CEP63: variants seen among roughly 807,000 people sequenced by gnomAD.
CEP63 encodes the protein centrosomal protein of 63 kDa.
Under a neutral mutation model 89.1 loss-of-function variants are expected in CEP63, and 84 were observed. The observed-to-expected ratio is 0.94, with a 90% CI of 0.79 to 1.13. CEP63 has a LOEUF of 1.13. Ranked by LOEUF, CEP63 falls within the 50% of genes most tolerant of loss-of-function variation. CEP63 has a pLI of 0.00. For synonymous variants in CEP63, 267 were observed against 272.5 expected, an observed-to-expected ratio of 0.98 and a Z score of 0.20; for missense variants, 838 against 813.3, an observed-to-expected ratio of 1.03 and a Z score of -0.37.
the CEP63 span, among the ~76,000 whole-genome samples, chr3:134,702,837 G>A: frequency 6.6e-6 from 1 of 152,076 alleles, no homozygotes; most frequent in Non-Finnish European, 1.5e-5. Flanking sequence ...GCGAGGTTGT[G>A]GGGAAAAAGG....
At chr3:134,678,281 C>A in the CEP63 span, among the ~76,000 whole-genome samples, 2 of 152,146 alleles carry the variant, frequency 1.3e-5, no homozygotes, top group Admixed American at 6.5e-5. Flanking sequence ...CAGGTGACAA[C>A]TTCTTGGAAA....
the CEP63 span, among the ~76,000 whole-genome samples, chr3:134,665,529 G>A: frequency 6.6e-6 from 1 of 152,324 alleles, no homozygotes; most frequent in East Asian, 1.9e-4. Context: ...CACCACTGAG[G>A]GAGGGGCCTC....
Position 134,564,594 on chromosome 3 carries a change from T to G in CEP63, c.*3059T>G, listed in dbSNP as rs1348127842. On this transcript the variant is annotated 3_prime_UTR_variant, in exon 15 of 15. Coordinates refer to ENST00000675561, the MANE Select transcript of CEP63 (RefSeq NM_001353108.3). ...TTGGGTGGATGAAAATCACTACCAT[T>G]CAAGGCTTCATTGTATTTATCAGTA... The G allele has an allele frequency of 5.1e-6, 5 of 985,296 alleles. No individual in the cohort carries two copies. In the African/African-American group the frequency reaches 8.7e-5, roughly 17 times the overall value. 61.0% of individuals were successfully genotyped at this position (985,296 alleles called of 1,614,324 possible). A position where few individuals can be genotyped will look rare whatever the true frequency, so the allele number is the denominator to read the frequency against.
the CEP63 span, among the ~76,000 whole-genome samples, chr3:134,648,793 T>C: frequency 6.6e-6 from 1 of 152,220 alleles, no homozygotes; most frequent in African/African-American, 2.4e-5. Context: ...ATCCTCTGCA[T>C]TGCAACAATA....
chr3:134,693,297 G>A, the CEP63 span, among the ~76,000 whole-genome samples: 1 of 152,204 alleles, frequency 6.6e-6, no homozygotes, highest in African/African-American at 2.4e-5. Context: ...GATGGATGGA[G>A]TTCCAGAGTC....
chr3:134,601,248 A>G, the CEP63 span: 1 of 98,776 alleles, frequency 1.0e-5, no homozygotes, highest in Non-Finnish European at 2.2e-5. Context: ...GGGGGTGCCT[A>G]GTTAAACGAG....
rs1017168103 is a variant in CEP63 at position 134,563,806 on chromosome 3, A to T, written c.*2271A>T. ...GTCAATAATCTGGGCCTAATCACCCATTGCATCATCCTTTACTGTGCTCCA... is the reference window on the plus strand; with the variant it reads ...GTCAATAATCTGGGCCTAATCACCCTTTGCATCATCCTTTACTGTGCTCCA... On this transcript the variant is annotated 3_prime_UTR_variant, in exon 15 of 15. Coordinates refer to ENST00000675561, the MANE Select transcript of CEP63 (RefSeq NM_001353108.3). 1 of 152,250 alleles carries T rather than the reference A, an allele frequency of 6.6e-6. No individual in the cohort carries two copies. Among genetic ancestry groups the T allele is most frequent in the African/African-American group, 2.4e-5 (1 of 41,430 alleles). 9.4% of individuals were successfully genotyped at this position (152,250 alleles called of 1,614,324 possible).
At chr3:134,537,577 T>C (rs1030615911) in intron 6 of CEP63, among the ~76,000 whole-genome samples, 1 of 152,200 alleles carries the variant, frequency 6.6e-6, no homozygotes, top group African/African-American at 2.4e-5. Context: ...AGGCTCACTC[T>C]ATGCTTGCAT....
chr3:134,777,119 T>C, the CEP63 span, among the ~76,000 whole-genome samples: 123 of 152,376 alleles, frequency 8.1e-4, no homozygotes, highest in African/African-American at 2.7e-3. Flanking sequence ...TATTGCATTA[T>C]TGAGTCCTCA....
At chr3:134,506,348 C>A (rs934062269) in intron 2 of CEP63, among the ~76,000 whole-genome samples, 6 of 152,196 alleles carry the variant, frequency 3.9e-5, no homozygotes, top group Non-Finnish European at 4.4e-5. Context: ...GCAGCTCTTA[C>A]AATTGTATTA....
At chr3:134,498,456 G>A (rs988432001) in intron 2 of CEP63, among the ~76,000 whole-genome samples, 1 of 152,024 alleles carries the variant, frequency 6.6e-6, no homozygotes, top group African/African-American at 2.4e-5. Context: ...GACTTTTTTG[G>A]TGGAGTCTTT....
At chr3:134,502,732 T>G (rs924333603) in intron 2 of CEP63, among the ~76,000 whole-genome samples, 33 of 152,272 alleles carry the variant, frequency 2.2e-4, no homozygotes, top group Admixed American at 2.2e-3. Context: ...TAGCTAGCAG[T>G]CTATCAATCT....
At chr3:134,573,601 T>G (rs1958104572) in intron 11 of CEP63, among the ~76,000 whole-genome samples, 1 of 152,178 alleles carries the variant, frequency 6.6e-6, no homozygotes, top group Admixed American at 6.5e-5. Context: ...TTCTATTCCA[T>G]TGGTCTATGT....
At chr3:134,711,540 C>T in the CEP63 span, among the ~76,000 whole-genome samples, 1 of 152,184 alleles carries the variant, frequency 6.6e-6, no homozygotes, top group Admixed American at 6.5e-5. Context: ...TGACTCATGA[C>T]CTCCTGTGGC....
intron 12 of CEP63, among the ~76,000 whole-genome samples, chr3:134,557,378 T>G (rs888667377): frequency 2.2e-5 from 1 of 46,332 alleles, no homozygotes; most frequent in Non-Finnish European, 6.5e-5. Flanking sequence ...CATAATTTGT[T>G]TTTTTTTTTT....
the CEP63 span, among the ~76,000 whole-genome samples, chr3:134,688,675 C>T: frequency 1.3e-5 from 2 of 152,138 alleles, no homozygotes; most frequent in African/African-American, 4.8e-5. Flanking sequence ...GGGTGCTGTT[C>T]CATCAGGAGC....
At chr3:134,628,810 G>T in the CEP63 span, among the ~76,000 whole-genome samples, 1 of 152,102 alleles carries the variant, frequency 6.6e-6, no homozygotes, top group African/African-American at 2.4e-5. Flanking sequence ...CTTGCCCAAG[G>T]TCACACAGCT....
the CEP63 span, among the ~76,000 whole-genome samples, chr3:134,751,353 C>A: frequency 6.6e-6 from 1 of 152,150 alleles, no homozygotes; most frequent in East Asian, 1.9e-4. Context: ...GATTTGAGTA[C>A]CTATTTTCAA....
In CEP63 at chr3:134,547,394, A is replaced by G. The variant is rs1339292486; in HGVS notation, c.989A>G (p.Asp330Gly). The G allele has an allele frequency of 3.7e-6, 6 of 1,613,634 alleles. No homozygotes were observed. Among genetic ancestry groups the G allele is most frequent in the Admixed American group, 3.3e-5 (2 of 60,000 alleles). Residue 330 changes from aspartate to glycine, a missense_variant, in exon 9 of 15, where the codon GAC (aspartate) becomes GGC (glycine). Asp to Gly is a moderately conservative substitution (Grantham distance 94, BLOSUM62 -1). Transcript: ENST00000675561. ...KYTSQGQGDLDSVLSQLNFTH... is the reference protein window; with the variant it reads ...KYTSQGQGDLGSVLSQLNFTH... Reference sequence around the variant, plus strand: ...ACCTCTCAAGGGCAGGGGGACTTAGACAGTGTGCTCTCCCAGTTGAATTTT... The same window carrying G: ...ACCTCTCAAGGGCAGGGGGACTTAGGCAGTGTGCTCTCCCAGTTGAATTTT...
Sources: allele counts gnomAD v4.1 joint callset (sites outside exome capture counted in the v4.1 genomes callset), GRCh38; gene constraint gnomAD v4.1.1; transcripts MANE v1.5; gene names NCBI Gene and HGNC (gene_info 2026-07-23, HGNC 2026-07-21).